The following LRRC8B variants were observed in gnomAD, a reference collection of about 807,000 sequenced individuals.
LRRC8B encodes the protein leucine rich repeat containing 8 VRAC subunit B, also known as volume-regulated anion channel subunit LRRC8B.
LRRC8B carries 23 observed loss-of-function variants against 58.8 expected under a neutral mutation model. That is an observed-to-expected ratio of 0.39 (90% CI 0.28 to 0.55). The LOEUF is 0.55. Ranked by LOEUF, LRRC8B falls within the 20% of genes least tolerant of loss-of-function variation. The pLI is 0.62. For synonymous variants in LRRC8B, 359 were observed against 374.1 expected (o/e 0.96, Z 0.47); for missense variants, 694 against 936.0 (o/e 0.74, Z 3.37).
chr1:89,552,119 C>G (rs998279874), intron 1 of LRRC8B, among the ~76,000 whole-genome samples: 3 of 152,152 alleles, frequency 2.0e-5, no homozygotes, highest in Admixed American at 6.5e-5. Flanking sequence ...GCTACCTGAT[C>G]ACTTGCTGAA....
chr1:89,582,496 T>A, intron 4 of LRRC8B, 129 bp from the exon 5 acceptor site: 1 of 618,330 alleles, frequency 1.6e-6, no homozygotes, highest in Admixed American at 2.9e-5. Flanking sequence ...CTTAATCAGC[T>A]CTTCCTTTTA....
Position 89,536,950 on chromosome 1 carries a change from A to G in LRRC8B, c.-241+11928A>G, listed in dbSNP as rs537030987. Among the ~76,000 whole-genome samples the G allele has an allele frequency of 9.6e-4, 146 of 152,326 alleles. 1 individual carries two copies. The highest frequency in any genetic ancestry group is 4.6e-3 in the Admixed American group (71 of 15,300). ...CACATACTCATGTGTGTACAATTTC[A>G]ACATGCCTTGAAATCATCCTTAGAA... On this transcript the variant is annotated intron_variant, in intron 1 of 5. Coordinates refer to ENST00000330947, the MANE Select transcript of LRRC8B (RefSeq NM_001369817.2).
At chr1:89,576,725 C>CG (rs1653878163) in intron 3 of LRRC8B, among the ~76,000 whole-genome samples, 6 of 152,106 alleles carry the variant, frequency 3.9e-5, no homozygotes, top group Non-Finnish European at 1.5e-5. Flanking sequence ...ATCTTTCTTT[C>CG]TAGGTCTCAA....
At chr1:89,576,000 A>G (rs905109261) in intron 3 of LRRC8B, among the ~76,000 whole-genome samples, 1 of 152,250 alleles carries the variant, frequency 6.6e-6, no homozygotes, top group Non-Finnish European at 1.5e-5. Flanking sequence ...TACACATTAA[A>G]CAAAAGAAAA....
Position 89,592,759 on chromosome 1 carries a change from T to C in LRRC8B, c.2140-12T>C. The C allele has an allele frequency of 2.5e-6, 4 of 1,610,126 alleles. No homozygotes were observed. The highest frequency in any genetic ancestry group is 3.4e-6 in the Non-Finnish European group (4 of 1,177,926). The stretch of plus-strand genomic sequence containing the variant: ...ACCTATTTTACCAGCTTCTTTTTTC[T>C]TCCCTTTCCAGATTGAGATGCTACC... On this transcript the variant is annotated splice_polypyrimidine_tract_variant and intron_variant, in intron 5 of 5. Coordinates refer to ENST00000330947, the MANE Select transcript of LRRC8B (RefSeq NM_001369817.2).
chr1:89,569,366 T>G (rs939141588), intron 3 of LRRC8B, among the ~76,000 whole-genome samples: 4 of 152,110 alleles, frequency 2.6e-5, no homozygotes, highest in Non-Finnish European at 5.9e-5. Context: ...GTTATAAGGG[T>G]ATATTGCATG....
chr1:89,583,604 T>G lies in LRRC8B; in HGVS notation c.954T>G (p.Phe318Leu). 6.2e-7 allele frequency: 1 copy of G among 1,611,872 alleles called. No individual in the cohort carries two copies. Among genetic ancestry groups the G allele is most frequent in the Non-Finnish European group, 8.5e-7 (1 of 1,180,026 alleles). Residue 318 changes from phenylalanine to leucine, a missense_variant, in exon 5 of 6, where the codon TTT becomes TTG. By Grantham distance (22) the Phe-to-Leu change is conservative (BLOSUM62 0). Around this residue, in one of 5 missense-constraint regions of LRRC8B, gnomAD observed 316 missense variants for 403.8 expected, o/e 0.78. Coordinates refer to ENST00000330947, the MANE Select transcript of LRRC8B (RefSeq NM_001369817.2). This position sits in a 1 kb window ranked among gnomAD's most constrained non-coding sequence, Gnocchi z 5.2. ...AAATCTTTAAGGTCCTGGCTTCATT[T>G]TATGTCATTTTGGTTATACTTTATG... ...LAEIFKVLAS[F>L]YVILVILYGL...
intron 1 of LRRC8B, 89 bp downstream of exon 1, chr1:89,525,111 C>G (rs1159675601): frequency 3.9e-5 from 6 of 152,488 alleles, no homozygotes; most frequent in Admixed American, 1.3e-4. Context: ...GGGGACGCAG[C>G]AGGTGGGGCT....
At position 89,584,573 on chromosome 1, in the gene LRRC8B, GC is replaced by G; in HGVS notation, c.1924del (p.His642ThrfsTer17). On this transcript the variant is annotated frameshift_variant, in exon 5 of 6. Coordinates refer to ENST00000330947, the MANE Select transcript of LRRC8B (RefSeq NM_001369817.2). LOFTEE classifies it high-confidence loss of function. ...LQNLSCLKLW[H>X]NNIAYIPAQI... is the part of the protein sequence containing the mutation. ...AGAATCTTTCCTGCTTAAAGTTGTG[GC>G]ACAATAACATTGCTTATATTCCTGC... 1 of 1,614,092 alleles carries G rather than the reference GC, an allele frequency of 6.2e-7. No individual in the cohort carries two copies.
chr1:89,534,883 C>A (rs1257176608), intron 1 of LRRC8B, among the ~76,000 whole-genome samples: 1 of 151,374 alleles, frequency 6.6e-6, no homozygotes, highest in Non-Finnish European at 1.5e-5. Flanking sequence ...GAAATAGAAA[C>A]TTTACTCTGA....
intron 1 of LRRC8B, among the ~76,000 whole-genome samples, chr1:89,547,835 T>C (rs947444355): frequency 1.1e-4 from 17 of 152,196 alleles, no homozygotes; most frequent in African/African-American, 3.9e-4. Flanking sequence ...GGGCATTCAT[T>C]TGTTGGATTG....
At chr1:89,563,674 A>T (rs892871865) in intron 1 of LRRC8B, among the ~76,000 whole-genome samples, 6 of 152,148 alleles carry the variant, frequency 3.9e-5, no homozygotes, top group African/African-American at 9.7e-5. Flanking sequence ...TTTTAGATAA[A>T]GTTACTACTA....
chr1:89,561,138 T>C (rs1652616110), intron 1 of LRRC8B, among the ~76,000 whole-genome samples: 1 of 151,872 alleles, frequency 6.6e-6, no homozygotes, highest in East Asian at 1.9e-4. Flanking sequence ...TGATGGCCAG[T>C]GATGATGAGC....
chr1:89,536,085 TAGCAAATC>T (rs925309319), intron 1 of LRRC8B, among the ~76,000 whole-genome samples: 1 of 152,152 alleles, frequency 6.6e-6, no homozygotes, highest in African/African-American at 2.4e-5. Flanking sequence ...AAACAACTTG[TAGCAAATC>T]TCTGCAGAAA....
At chr1:89,585,680 G>A (rs1324331151) in intron 5 of LRRC8B, among the ~76,000 whole-genome samples, 4 of 151,968 alleles carry the variant, frequency 2.6e-5, no homozygotes, top group African/African-American at 9.7e-5. Context: ...GTGGTGGCAC[G>A]GACCTGAAGT....
At chr1:89,551,818 C>T (rs1232506111) in intron 1 of LRRC8B, among the ~76,000 whole-genome samples, 2 of 152,180 alleles carry the variant, frequency 1.3e-5, no homozygotes, top group Non-Finnish European at 1.5e-5. Context: ...TCTTCAACCT[C>T]TTAACACCAT....
At position 89,567,010 on chromosome 1, in the gene LRRC8B, GGA is replaced by G. The variant is rs71709951; in HGVS notation, c.-240-1230_-240-1229del. On this transcript the variant is annotated intron_variant, in intron 1 of 5. Transcript: ENST00000330947. ...TACACCCGTCTTGTGTCCTTCCTCT[GGA>G]GAGAGAATGTTTTTGAAGGGGTAGA... 2.8e-3 allele frequency among the ~76,000 whole-genome samples: 428 copies of G among 152,266 alleles called. 4 individuals are homozygous for G. The highest frequency in any genetic ancestry group is 0.014 in the Middle Eastern group (4 of 294).
chr1:89,552,385 A>G (rs1557601227), intron 1 of LRRC8B, among the ~76,000 whole-genome samples: 1 of 152,214 alleles, frequency 6.6e-6, no homozygotes, highest in South Asian at 2.1e-4. Context: ...CTTAGTATCC[A>G]TCTTAGCAGA....
intron 1 of LRRC8B, among the ~76,000 whole-genome samples, chr1:89,554,604 C>G (rs1347074357): frequency 6.6e-6 from 1 of 152,154 alleles, no homozygotes; most frequent in Non-Finnish European, 1.5e-5. Flanking sequence ...AGAGCATGTG[C>G]AAGATGTAAT....
Sources: gnomAD v4.1 joint callset for allele counts (sites outside exome capture counted in the v4.1 genomes callset) on GRCh38, gnomAD v4.1.1 for gene constraint, gnomAD v4.1.1 regional missense constraint, Gnocchi (gnomAD v3.1) non-coding constraint, MANE v1.5 for transcripts, NCBI Gene and HGNC (gene_info 2026-07-23, HGNC 2026-07-21) for gene names.